Variants in ANKRD30B observed in about 807,000 individuals in gnomAD.
The protein encoded by ANKRD30B is ankyrin repeat domain-containing protein 30B.
In ANKRD30B, 144 loss-of-function variants were observed where a neutral mutation model predicts 202.2. The observed-to-expected ratio is 0.71, with a 90% CI of 0.62 to 0.82. The LOEUF is 0.82. Ranked by LOEUF, ANKRD30B falls within the 40% of genes least tolerant of loss-of-function variation. ANKRD30B has a pLI of 0.00. For missense variants in ANKRD30B, 1,487 were observed against 1,669.1 expected (o/e 0.89, Z 1.90); for synonymous variants, 508 against 561.3 (o/e 0.91, Z 1.34).
chr18:14,821,435 A>G (rs1325332018), intron 30 of ANKRD30B, among the ~76,000 whole-genome samples: 2 of 151,894 alleles, frequency 1.3e-5, no homozygotes, highest in East Asian at 3.9e-4. Flanking sequence ...TTGCTTTTCT[A>G]GTTCTTTTAA....
chr18:14,792,976 A>T (rs983102512), intron 16 of ANKRD30B, among the ~76,000 whole-genome samples: 8 of 152,142 alleles, frequency 5.3e-5, no homozygotes, highest in Admixed American at 5.2e-4. Flanking sequence ...ACTGATTTTA[A>T]CCTAGAAAAT....
At chr18:14,923,398 C>T in the ANKRD30B span, among the ~76,000 whole-genome samples, 2 of 152,068 alleles carry the variant, frequency 1.3e-5, no homozygotes, top group Admixed American at 6.5e-5. Flanking sequence ...TGGTGGTGAC[C>T]ATGAGGAGAG....
At chr18:14,815,885 A>G (rs1047878378) in intron 30 of ANKRD30B, among the ~76,000 whole-genome samples, 2 of 152,202 alleles carry the variant, frequency 1.3e-5, no homozygotes, top group African/African-American at 4.8e-5. Context: ...TACAAAGTAC[A>G]AAAATGTTGG....
intron 15 of ANKRD30B, among the ~76,000 whole-genome samples, chr18:14,790,312 A>G (rs990167770): frequency 4.1e-4 from 63 of 152,256 alleles, no homozygotes; most frequent in Non-Finnish European, 2.2e-4. Context: ...GGTTTTCTAG[A>G]TATACAATCA....
the ANKRD30B span, among the ~76,000 whole-genome samples, chr18:14,936,091 G>A: frequency 1.3e-5 from 2 of 152,260 alleles, no homozygotes. Flanking sequence ...GTAGGCTGCA[G>A]TGTTGCAAGG....
the ANKRD30B span, among the ~76,000 whole-genome samples, chr18:14,931,069 C>T: frequency 6.6e-6 from 1 of 152,162 alleles, no homozygotes; most frequent in African/African-American, 2.4e-5. Flanking sequence ...CGTGATTGTG[C>T]TGCGAGGTGG....
At chr18:14,914,337 A>G in the ANKRD30B span, among the ~76,000 whole-genome samples, 13 of 152,026 alleles carry the variant, frequency 8.6e-5, no homozygotes, top group African/African-American at 3.1e-4. Flanking sequence ...TGAGTATTGG[A>G]GTCTTTTGAT....
the ANKRD30B span, among the ~76,000 whole-genome samples, chr18:14,914,928 A>G: frequency 2.0e-5 from 3 of 152,200 alleles, no homozygotes; most frequent in Non-Finnish European, 4.4e-5. Context: ...TGGTGGTGAT[A>G]GGATCCACAG....
chr18:14,849,893 C>T (rs1306443967), intron 40 of ANKRD30B, among the ~76,000 whole-genome samples: 1 of 151,386 alleles, frequency 6.6e-6, no homozygotes, highest in Non-Finnish European at 1.5e-5. Flanking sequence ...CTAATTTTGA[C>T]TGTGTGATAT....
chr18:14,867,459 C>A, the ANKRD30B span, among the ~76,000 whole-genome samples: 1 of 152,158 alleles, frequency 6.6e-6, no homozygotes, highest in Non-Finnish European at 1.5e-5. Context: ...TGAACAACTT[C>A]TGCTCGTGTT....
chr18:14,810,430 A>T lies in ANKRD30B; in HGVS notation c.2488+250A>T, dbSNP rs187162016. Among the ~76,000 whole-genome samples, 43 of 151,220 alleles carry T rather than the reference A, an allele frequency of 2.8e-4. 2 individuals are homozygous for T. Among genetic ancestry groups the T allele is most frequent in the Non-Finnish European group, 4.3e-4 (29 of 67,858 alleles). On this transcript the variant is annotated intron_variant, in intron 28 of 43. Transcript: ENST00000690538. The stretch of plus-strand genomic sequence containing the variant: ...AATATCCCGATAGTGTAAAGTTTCC[A>T]ATTTGCAATTTCTGTACGTGCTCAG...
chr18:14,764,978 A>T (rs550024656), intron 7 of ANKRD30B, among the ~76,000 whole-genome samples: 1 of 152,180 alleles, frequency 6.6e-6, no homozygotes, highest in African/African-American at 2.4e-5. Flanking sequence ...TATCTAAATA[A>T]ACTTGTGTTT....
intron 22 of ANKRD30B, among the ~76,000 whole-genome samples, chr18:14,800,186 T>C (rs1969220486): frequency 6.6e-6 from 1 of 151,260 alleles, no homozygotes; most frequent in Admixed American, 6.6e-5. Flanking sequence ...GAGCCAAGCT[T>C]GTGCCACTTT....
chr18:14,851,565 A>G lies in ANKRD30B; in HGVS notation c.3621A>G (p.Lys1207=), dbSNP rs1971887151. The part of the protein sequence containing the change: ...NDLFHENCML[K]KEIAMLKLEV... ...TCTTTCATGAAAATTGCATGTTGAA[A>G]AAGGAAATTGCCATGCTAAAACTGG... The change falls in exon 42 of 44, where the codon AAA becomes AAG. Residue 1207 remains lysine (K), a synonymous_variant. Coordinates refer to ENST00000690538, the MANE Select transcript of ANKRD30B (RefSeq NM_001367607.2). The G allele has an allele frequency of 6.3e-7, 1 of 1,584,592 alleles. No homozygotes were observed. The highest frequency in any genetic ancestry group is 8.5e-7 in the Non-Finnish European group (1 of 1,171,514).
At chr18:14,894,803 C>G in the ANKRD30B span, among the ~76,000 whole-genome samples, 1 of 150,662 alleles carries the variant, frequency 6.6e-6, no homozygotes, top group East Asian at 1.9e-4. Flanking sequence ...CTAAAATACA[C>G]CAACATATAC....
rs569699620 is a variant in ANKRD30B at position 14,818,573 on chromosome 18, C to A, written c.2641+3862C>A. ...TCCCCTTCCTGTGTCCATGTGTTCT[C>A]ATTGTTCATTTCCCACCTATTAGTG... On this transcript the variant is annotated intron_variant, in intron 30 of 43. Transcript: ENST00000690538. Among the ~76,000 whole-genome samples, 11 of 137,412 alleles carry A rather than the reference C, an allele frequency of 8.0e-5. No homozygotes were observed. The East Asian group carries it at 2.4e-3, about 30-fold the overall frequency. 90.1% of individuals were successfully genotyped at this position (137,412 alleles called of 152,430 possible).
At chr18:14,750,230 C>T (rs1913213201) in intron 1 of ANKRD30B, among the ~76,000 whole-genome samples, 2 of 152,068 alleles carry the variant, frequency 1.3e-5, no homozygotes, top group South Asian at 4.1e-4. Context: ...AGAGAATTCA[C>T]TCAAATCAAC....
At chr18:14,749,103 C>G (rs867266057) in intron 1 of ANKRD30B, among the ~76,000 whole-genome samples, 1 of 152,264 alleles carries the variant, frequency 6.6e-6, no homozygotes, top group Middle Eastern at 3.4e-3. Context: ...GTCCAATGTC[C>G]ATTTTGATAT....
At chr18:14,756,203 T>C (rs1914332870) in intron 4 of ANKRD30B, among the ~76,000 whole-genome samples, 1 of 152,380 alleles carries the variant, frequency 6.6e-6, no homozygotes, top group Admixed American at 6.5e-5. Flanking sequence ...AAATGTCTTC[T>C]TTTGAGAAGT....
Sources: allele counts gnomAD v4.1 joint callset (sites outside exome capture counted in the v4.1 genomes callset), GRCh38; gene constraint gnomAD v4.1.1; transcripts MANE v1.5; gene names NCBI Gene and HGNC (gene_info 2026-07-23, HGNC 2026-07-21).